NFYC: variants seen among roughly 807,000 people sequenced by gnomAD.
NFYC encodes the protein CAAT box DNA-binding protein subunit C.
NFYC carries 25 observed loss-of-function variants against 53.1 expected under a neutral mutation model. That is an observed-to-expected ratio of 0.47 (90% confidence interval 0.34 to 0.66). The LOEUF is 0.66. Among genes scored for constraint, NFYC ranks in the 30% least tolerant of loss-of-function variants. The probability of loss-of-function intolerance (pLI) is 0.01; values close to 1 mark genes in which losing one functional copy is unlikely to be tolerated. For missense variants in NFYC, 260 were observed against 422.7 expected (o/e 0.62, Z 3.38); for synonymous variants, 145 against 152.6 (o/e 0.95, Z 0.37).
chr1:40,771,288 A>ATGGAAT lies in NFYC; in HGVS notation c.*462_*467dup. On this transcript the variant is annotated 3_prime_UTR_variant, in exon 10 of 10. Transcript: ENST00000447388. ...ACTTGCCACGTTGTTCTGCCCTCAG[A>ATGGAAT]TGGAATTAGGTGAATGTGTGTAGCT... 2.9e-6 allele frequency: 1 copy of ATGGAAT among 339,780 alleles called. No individual in the cohort carries two copies. The highest frequency in any genetic ancestry group is 6.0e-6 in the Non-Finnish European group (1 of 167,110). The allele number at this position is 339,780 out of a possible 1,614,324, so 21.0% of individuals were successfully genotyped here. A position where few individuals can be genotyped will look rare whatever the true frequency, so the allele number is the denominator to read the frequency against.
At chr1:40,746,911 C>G (rs1304801226) in intron 2 of NFYC, among the ~76,000 whole-genome samples, 3 of 152,150 alleles carry the variant, frequency 2.0e-5, no homozygotes, top group African/African-American at 4.8e-5. Flanking sequence ...CACCCTCATC[C>G]TTTTTCTATA....
intron 2 of NFYC, among the ~76,000 whole-genome samples, chr1:40,742,957 C>A (rs555043999): frequency 6.9e-4 from 105 of 152,280 alleles, no homozygotes; most frequent in African/African-American, 2.3e-3. Context: ...CAGACTTCCT[C>A]AGATGTGTCA....
At chr1:40,705,545 A>G (rs1296192970) in intron 1 of NFYC, among the ~76,000 whole-genome samples, 1 of 152,180 alleles carries the variant, frequency 6.6e-6, no homozygotes, top group African/African-American at 2.4e-5. Context: ...AACCCCTTCA[A>G]ATTTTAACAG....
intron 8 of NFYC, 103 bp from the exon 9 acceptor site, chr1:40,769,253 T>A (rs1646969879): frequency 8.6e-7 from 1 of 1,167,620 alleles, no homozygotes; most frequent in African/African-American, 1.5e-5. Context: ...GGGCACTTTA[T>A]ATGCATTGTC....
chr1:40,766,569 G>T, intron 7 of NFYC, 27 bp from the exon 8 acceptor site: 3 of 1,549,712 alleles, frequency 1.9e-6, no homozygotes, highest in Non-Finnish European at 2.7e-6. Context: ...ATGTCTTATG[G>T]TCTCTTTGTC....
intron 1 of NFYC, among the ~76,000 whole-genome samples, chr1:40,737,245 A>T (rs1570539389): frequency 6.6e-6 from 1 of 151,778 alleles, no homozygotes; most frequent in African/African-American, 2.4e-5. Context: ...TGACATGAGG[A>T]TCCTTATTCA....
chr1:40,707,579 G>A (rs918865277), intron 1 of NFYC, among the ~76,000 whole-genome samples: 3 of 150,934 alleles, frequency 2.0e-5, no homozygotes, highest in African/African-American at 7.3e-5. Context: ...AGGGGCAGGA[G>A]AATCCCTTCA....
chr1:40,742,408 A>C (rs1445365841), intron 2 of NFYC, among the ~76,000 whole-genome samples: 1 of 152,204 alleles, frequency 6.6e-6, no homozygotes, highest in Non-Finnish European at 1.5e-5. Context: ...TTGGTTTACA[A>C]GTTTGATTGC....
rs1645802924 is a variant in NFYC, at chr1:40,749,683, A to G, written c.288A>G (p.Leu96=). The change falls in exon 4 of 10, where the codon CTA becomes CTG. Residue 96 remains leucine (L), a synonymous_variant. Coordinates refer to ENST00000447388, the MANE Select transcript of NFYC (RefSeq NM_014223.5). ...IHTEDNKRRT[L]QRNDIAMAIT... ...CAGAAGATAACAAGCGCCGGACTCT[A>G]CAGGTATTATTGCAGACTTAGATTA... The G allele has an allele frequency of 6.2e-7, 1 of 1,613,380 alleles. No homozygotes were observed. Among genetic ancestry groups the G allele is most frequent in the Non-Finnish European group, 8.5e-7 (1 of 1,179,408 alleles).
At chr1:40,738,013 C>T (rs1645143157) in intron 1 of NFYC, among the ~76,000 whole-genome samples, 1 of 150,718 alleles carries the variant, frequency 6.6e-6, no homozygotes, top group African/African-American at 2.4e-5. Context: ...CGCCATTCTC[C>T]TGCCTCAGCC....
intron 3 of NFYC, 65 bp from the exon 4 acceptor site, chr1:40,749,508 G>A (rs542063451): frequency 6.0e-5 from 78 of 1,297,640 alleles, no homozygotes; most frequent in Non-Finnish European, 8.1e-5. Flanking sequence ...AGGCAATGAG[G>A]CAAGAGACAG....
intron 1 of NFYC, among the ~76,000 whole-genome samples, chr1:40,714,569 A>G (rs1477918901): frequency 2.0e-5 from 3 of 152,214 alleles, no homozygotes; most frequent in African/African-American, 7.2e-5. Flanking sequence ...TAATAGACAT[A>G]GCTGGATAGA....
intron 1 of NFYC, among the ~76,000 whole-genome samples, chr1:40,703,546 A>T (rs1043086564): frequency 6.6e-6 from 1 of 150,954 alleles, no homozygotes; most frequent in African/African-American, 2.4e-5. Flanking sequence ...GGCCCTCTTC[A>T]GTTGGAGCTG....
chr1:40,710,791 A>G (rs984419134), intron 1 of NFYC, among the ~76,000 whole-genome samples: 23 of 152,318 alleles, frequency 1.5e-4, no homozygotes, highest in South Asian at 8.3e-4. Context: ...TTGTAATGAT[A>G]TAGCAAGTCA....
chr1:40,758,169 T>C lies in NFYC; in HGVS notation c.436T>C (p.Phe146Leu), dbSNP rs746287820. Residue 146 changes from phenylalanine to leucine, a missense_variant, in exon 6 of 10, where the codon TTC (phenylalanine) becomes CTC (leucine). Phe to Leu is a conservative substitution (Grantham distance 22). Coordinates refer to ENST00000447388, the MANE Select transcript of NFYC (RefSeq NM_014223.5). ...TCCTGCCGAGCCAGTCCAGTACTAT[T>C]TCACGCTGGCTCAGCAACCCACCGC... is the stretch of plus-strand genomic sequence containing the variant. Reference protein sequence around the residue: ...VTPAEPVQYYFTLAQQPTAVQ... With the variant: ...VTPAEPVQYYLTLAQQPTAVQ... 1.2e-6 allele frequency: 2 copies of C among 1,612,448 alleles called. No individual in the cohort carries two copies. Among genetic ancestry groups the C allele is most frequent in the Non-Finnish European group, 8.5e-7 (1 of 1,179,970 alleles).
At position 40,770,442 on chromosome 1, in the gene NFYC, G is replaced by A; in HGVS notation, c.889-267G>A. ...TCGAGTCTCTGAGCTAACGGGAGAG[G>A]CAGAGCCCAGAGAAGTGAAAGCCAC... On this transcript the variant is annotated intron_variant, in intron 9 of 9. Transcript: ENST00000447388. This position sits in a 1 kb window ranked among gnomAD's most constrained non-coding sequence, Gnocchi z 5.3. 1.3e-6 allele frequency: 2 copies of A among 1,550,514 alleles called. No homozygotes were observed. Among genetic ancestry groups the A allele is most frequent in the Non-Finnish European group, 1.7e-6 (2 of 1,146,912 alleles).
intron 1 of NFYC, among the ~76,000 whole-genome samples, chr1:40,701,505 C>CT (rs1255633367): frequency 6.6e-6 from 1 of 152,216 alleles, no homozygotes; most frequent in Non-Finnish European, 1.5e-5. Context: ...ATGCAGTTCA[C>CT]TTTGTCTATC....
intron 2 of NFYC, among the ~76,000 whole-genome samples, chr1:40,745,908 T>C (rs995979149): frequency 1.2e-4 from 18 of 152,172 alleles, no homozygotes; most frequent in Non-Finnish European, 4.4e-5. Context: ...GGGGTCTCAC[T>C]ATGTTGACCA....
intron 1 of NFYC, among the ~76,000 whole-genome samples, chr1:40,731,277 C>T (rs555200126): frequency 4.6e-5 from 7 of 152,034 alleles, no homozygotes; most frequent in South Asian, 2.1e-4. Flanking sequence ...TGGGTTCAAG[C>T]GATTCTCATG....
Sources: allele counts gnomAD v4.1 joint callset (sites outside exome capture counted in the v4.1 genomes callset), GRCh38; gene constraint gnomAD v4.1.1; non-coding constraint Gnocchi (gnomAD v3.1); transcripts MANE v1.5; gene names NCBI Gene and HGNC (gene_info 2026-07-23, HGNC 2026-07-21).